The following TMEM132C variants were observed in gnomAD, a reference collection of about 807,000 sequenced individuals.
TMEM132C encodes protein phosphatase 1, regulatory subunit 152.
A neutral mutation model predicts 61.4 loss-of-function variants in TMEM132C; 29 were observed. The ratio of observed to expected loss-of-function variants is 0.47; its 90% CI spans 0.35 to 0.64. TMEM132C has a LOEUF of 0.64. Ranked by LOEUF, TMEM132C falls within the 30% of genes least tolerant of loss-of-function variation. The probability of loss-of-function intolerance (pLI) is 0.00; values close to 1 mark genes in which losing one functional copy is unlikely to be tolerated. For missense variants in TMEM132C, 1,408 were observed against 1,476.9 expected, an observed-to-expected ratio of 0.95 and a Z score of 0.76; for synonymous variants, 656 against 633.1, an observed-to-expected ratio of 1.04 and a Z score of -0.54.
intron 1 of TMEM132C, among the ~76,000 whole-genome samples, chr12:128,363,627 A>C (rs1297662778): frequency 6.6e-6 from 1 of 152,114 alleles, no homozygotes. Context: ...GGGGCGGATC[A>C]CGAGGTCAAG....
At chr12:128,335,663 GTCAGGTTCTT>G (rs1872775628) in intron 1 of TMEM132C, among the ~76,000 whole-genome samples, 1 of 152,178 alleles carries the variant, frequency 6.6e-6, no homozygotes, top group Admixed American at 6.5e-5. Context: ...ACAATAACAT[GTCAGGTTCTT>G]TCAGTAACTA....
chr12:128,609,774 C>T (rs1029978775), intron 3 of TMEM132C, among the ~76,000 whole-genome samples: 10 of 152,274 alleles, frequency 6.6e-5, no homozygotes, highest in African/African-American at 2.4e-4. Flanking sequence ...TAGCTTAGCT[C>T]AGCCAATCAG....
At chr12:128,390,196 A>C (rs930053524) in intron 1 of TMEM132C, among the ~76,000 whole-genome samples, 5 of 152,142 alleles carry the variant, frequency 3.3e-5, no homozygotes, top group African/African-American at 1.2e-4. Context: ...GGGCTACTGT[A>C]ATGGAGCGCC....
chr12:128,568,840 C>G (rs779958120), intron 3 of TMEM132C, among the ~76,000 whole-genome samples: 1 of 152,160 alleles, frequency 6.6e-6, no homozygotes, highest in Non-Finnish European at 1.5e-5. Context: ...ACAATCTGCC[C>G]AGTGAAAACC....
At chr12:128,333,258 G>T (rs1458204052) in intron 1 of TMEM132C, among the ~76,000 whole-genome samples, 2 of 151,530 alleles carry the variant, frequency 1.3e-5, no homozygotes, top group South Asian at 4.2e-4. Flanking sequence ...TATGCGTGTT[G>T]CATGTGTTGT....
chr12:128,270,574 T>A (rs1870475557), intron 1 of TMEM132C, among the ~76,000 whole-genome samples: 1 of 152,190 alleles, frequency 6.6e-6, no homozygotes. Context: ...ATAGCAGGGA[T>A]GAGAAATAGG....
At chr12:128,689,873 C>G (rs552663706) in intron 5 of TMEM132C, among the ~76,000 whole-genome samples, 1 of 152,318 alleles carries the variant, frequency 6.6e-6, no homozygotes, top group Admixed American at 6.5e-5. Flanking sequence ...GATGGACACT[C>G]AGCAGTCTAT....
At chr12:128,644,318 T>C (rs1051755247) in intron 4 of TMEM132C, among the ~76,000 whole-genome samples, 5 of 152,194 alleles carry the variant, frequency 3.3e-5, no homozygotes, top group African/African-American at 1.2e-4. Flanking sequence ...ATTCATAATC[T>C]CCAAAACCCA....
rs575422199 is a variant in TMEM132C at position 128,651,970 on chromosome 12, A to G, written c.1306-17447A>G. ...CAGAGCAGCAGCCTGGTCTCATTGA[A>G]GTTTTAAAGGGTTTTTAACTCTATT... is the stretch of plus-strand genomic sequence containing the variant. On this transcript the variant is annotated intron_variant, in intron 4 of 8. Transcript: ENST00000435159. 9.2e-5 allele frequency among the ~76,000 whole-genome samples: 14 copies of G among 152,298 alleles called. No individual in the cohort carries two copies. The South Asian group carries it at 2.3e-3, about 25-fold the overall frequency.
Position 128,569,638 on chromosome 12 carries a change from C to T in TMEM132C, c.1121+25535C>T, listed in dbSNP as rs138066443. ...AACCAGGTGACATGAAGACAGAGCC[C>T]ACACTAGAGCGGCTTGTGGAGAGAG... On this transcript the variant is annotated intron_variant, in intron 3 of 8. Transcript: ENST00000435159. 2.8e-3 allele frequency among the ~76,000 whole-genome samples: 420 copies of T among 152,262 alleles called. 2 individuals carry two copies. Among genetic ancestry groups the T allele is most frequent in the African/African-American group, 9.9e-3 (411 of 41,544 alleles).
At chr12:128,305,885 C>T (rs559029672) in intron 1 of TMEM132C, among the ~76,000 whole-genome samples, 8 of 152,218 alleles carry the variant, frequency 5.3e-5, no homozygotes, top group South Asian at 2.1e-4. Context: ...CTAGAACTGA[C>T]GGTAGCCTGG....
chr12:128,333,417 TGA>T (rs1346691098), intron 1 of TMEM132C, among the ~76,000 whole-genome samples: 2 of 152,000 alleles, frequency 1.3e-5, no homozygotes, highest in Non-Finnish European at 2.9e-5. Flanking sequence ...CCTGTATGGA[TGA>T]GAGTGTGTGT....
chr12:128,639,043 G>T (rs1954127564), intron 4 of TMEM132C, among the ~76,000 whole-genome samples: 2 of 77,070 alleles, frequency 2.6e-5, no homozygotes, highest in Non-Finnish European at 5.4e-5. Context: ...GATGATGATG[G>T]TGATAATGAC....
chr12:128,352,479 G>T (rs199627392), intron 1 of TMEM132C, among the ~76,000 whole-genome samples: 2 of 152,134 alleles, frequency 1.3e-5, no homozygotes, highest in Non-Finnish European at 2.9e-5. Context: ...ATTTGGGTGG[G>T]AACACAACCA....
At chr12:128,670,381 T>C (rs189504970) in intron 5 of TMEM132C, among the ~76,000 whole-genome samples, 393 of 152,318 alleles carry the variant, frequency 2.6e-3, no homozygotes, top group Middle Eastern at 0.01. Context: ...AACATATTCC[T>C]TCTCCTGTCT....
chr12:128,427,072 T>A (rs1486634982), intron 2 of TMEM132C, among the ~76,000 whole-genome samples: 1 of 152,184 alleles, frequency 6.6e-6, no homozygotes, highest in Non-Finnish European at 1.5e-5. Context: ...TCCAGTATTC[T>A]GGGTACTAAG....
intron 3 of TMEM132C, among the ~76,000 whole-genome samples, chr12:128,548,676 AC>A (rs1297198427): frequency 1.3e-5 from 2 of 152,108 alleles, no homozygotes; most frequent in Non-Finnish European, 2.9e-5. Flanking sequence ...TAAAAAAACC[AC>A]CCAAATCTCA....
chr12:128,513,309 C>T (rs1872623334), intron 2 of TMEM132C, among the ~76,000 whole-genome samples: 1 of 152,240 alleles, frequency 6.6e-6, no homozygotes, highest in South Asian at 2.1e-4. Flanking sequence ...CCCCCTCCTC[C>T]AGCCCCCAAG....
chr12:128,620,232 C>CAAAAAAA (rs386378194), intron 4 of TMEM132C, among the ~76,000 whole-genome samples: 2 of 61,994 alleles, frequency 3.2e-5, no homozygotes, highest in African/African-American at 1.1e-4. Context: ...GACCCTGTCT[C>CAAAAAAA]AAAAAAAAAA....
Sources: allele counts gnomAD v4.1 joint callset (sites outside exome capture counted in the v4.1 genomes callset), GRCh38; gene constraint gnomAD v4.1.1; transcripts MANE v1.5; gene names NCBI Gene and HGNC (gene_info 2026-07-23, HGNC 2026-07-21).